The following SLC4A8 variants were observed in gnomAD, a reference collection of about 807,000 sequenced individuals.
SLC4A8 encodes the protein electroneutral sodium bicarbonate exchanger 1.
A neutral mutation model predicts 125.0 loss-of-function variants in SLC4A8; 40 were observed. The observed-to-expected ratio is 0.32, with a 90% CI of 0.25 to 0.42. The LOEUF is 0.42. Among genes scored for constraint, SLC4A8 ranks in the 10% least tolerant of loss-of-function variants. The pLI, the probability that SLC4A8 is intolerant of heterozygous loss-of-function variation, is 1.00. For synonymous variants in SLC4A8, 456 were observed against 476.0 expected (o/e 0.96, Z 0.55); for missense variants, 863 against 1,355.1 (o/e 0.64, Z 5.70).
chr12:51,490,016 G>A lies in SLC4A8; in HGVS notation c.2700+65G>A, dbSNP rs543472704. 2.6e-4 allele frequency: 388 copies of A among 1,518,134 alleles called. 2 individuals are homozygous for A. In the African/African-American group the frequency reaches 4.8e-3, roughly 19 times the overall value. The allele number at this position is 1,518,134 out of a possible 1,614,324, so 94.0% of individuals were successfully genotyped here. A position where few individuals can be genotyped will look rare whatever the true frequency, so the allele number is the denominator to read the frequency against. On this transcript the variant is annotated intron_variant, in intron 19 of 24. Transcript: ENST00000453097. ...TGATTTGTGCCAGGAATCCTGCCAG[G>A]TGCTGGAAATACAGTGGTGCCAAAT...
intron 2 of SLC4A8, among the ~76,000 whole-genome samples, chr12:51,442,787 T>A (rs537173084): frequency 1.3e-5 from 2 of 152,260 alleles, no homozygotes; most frequent in East Asian, 3.9e-4. Context: ...GAGTTGGGAT[T>A]TGCTATAGGG....
rs35992841 is a variant in SLC4A8 at position 51,392,571 on chromosome 12, C to CAAAA, written c.-112+1095_-112+1098dup. Among the ~76,000 whole-genome samples the CAAAA allele has an allele frequency of 2.5e-3, 301 of 119,206 alleles. 1 individual carries two copies. The highest frequency in any genetic ancestry group is 7.7e-3 in the African/African-American group (234 of 30,384). 78.2% of individuals were successfully genotyped at this position (119,206 alleles called of 152,430 possible). On this transcript the variant is annotated intron_variant, in intron 1 of 24. Coordinates refer to the SLC4A8 transcript ENST00000358657. ...CTGGCGACAGAGCGAGATTCCGTAT[C>CAAAA]AAAAAAAAAAAAAAAGAAAAAAAGA... is the stretch of plus-strand genomic sequence containing the variant.
rs1212370486 is a variant in SLC4A8 at position 51,471,275 on chromosome 12, G to A, written c.1659-12G>A. 1 of 1,606,278 alleles carries A rather than the reference G, an allele frequency of 6.2e-7. No homozygotes were observed. The highest frequency in any genetic ancestry group is 2.2e-5 in the East Asian group (1 of 44,850). On this transcript the variant is annotated splice_polypyrimidine_tract_variant and intron_variant, in intron 13 of 24. Transcript: ENST00000453097. ...CATCCATGCGTTCTGATGAACTTTG[G>A]TCTTGTTTCAGAGACTATGCTCTTT... is the stretch of plus-strand genomic sequence containing the variant.
intron 15 of SLC4A8, 130 bp downstream of exon 15, chr12:51,474,577 A>G (rs1950806705): frequency 1.4e-6 from 2 of 1,434,500 alleles, no homozygotes; most frequent in Non-Finnish European, 1.9e-6. Context: ...TTAAAAAACA[A>G]TTCTTACTCA....
chr12:51,468,436 C>T (rs1275762460), intron 11 of SLC4A8, among the ~76,000 whole-genome samples: 1 of 152,228 alleles, frequency 6.6e-6, no homozygotes, highest in East Asian at 1.9e-4. Flanking sequence ...AGTAACTTGA[C>T]ATGCTATTAG....
intron 9 of SLC4A8, 77 bp downstream of exon 9, chr12:51,461,368 A>C (rs1435974629): frequency 1.2e-6 from 1 of 855,464 alleles, no homozygotes; most frequent in East Asian, 2.5e-5. Context: ...GCAATATGCT[A>C]GTTATTGGGG....
Position 51,452,278 on chromosome 12 carries a change from C to G in SLC4A8, c.413+19C>G, listed in dbSNP as rs752109771. On this transcript the variant is annotated intron_variant, in intron 4 of 24. Coordinates refer to ENST00000453097, the MANE Select transcript of SLC4A8 (RefSeq NM_001039960.3). ...CAGCCAGGTGAGGCCCTAAAATGGCCTGCATCAAGATCTGCTTGGGTAGGC... is the reference window on the plus strand; with the variant it reads ...CAGCCAGGTGAGGCCCTAAAATGGCGTGCATCAAGATCTGCTTGGGTAGGC... 5 of 1,613,850 alleles carry G rather than the reference C, an allele frequency of 3.1e-6. No individual in the cohort carries two copies. Among genetic ancestry groups the G allele is most frequent in the Admixed American group, 1.7e-5 (1 of 60,006 alleles).
At chr12:51,492,884 T>C (rs1951354825) in intron 19 of SLC4A8, among the ~76,000 whole-genome samples, 1 of 150,134 alleles carries the variant, frequency 6.7e-6, no homozygotes. Flanking sequence ...TGTTCCCCTC[T>C]CTGTGTCCAT....
intron 6 of SLC4A8, 38 bp from the exon 7 acceptor site, chr12:51,458,521 G>T: frequency 6.9e-7 from 1 of 1,440,112 alleles, no homozygotes; most frequent in South Asian, 1.1e-5. Context: ...GGGGAAAAGG[G>T]CAGGGACTCA....
intron 12 of SLC4A8, among the ~76,000 whole-genome samples, chr12:51,470,103 G>A (rs1950647788): frequency 6.6e-6 from 1 of 152,150 alleles, no homozygotes; most frequent in East Asian, 1.9e-4. Flanking sequence ...AGCTTGTAGT[G>A]TGAATGGTAT....
At chr12:51,392,156 G>C (rs1948132845) in intron 1 of SLC4A8, 1 of 152,524 alleles carries the variant, frequency 6.6e-6, no homozygotes, top group Non-Finnish European at 1.5e-5. Context: ...CCCAGCCCCA[G>C]CAAACTTTAA....
chr12:51,459,260 C>T (rs77011020), intron 7 of SLC4A8, among the ~76,000 whole-genome samples: 8,432 of 152,202 alleles, frequency 0.055, 715 homozygotes, highest in African/African-American at 0.18. Context: ...CTGAAACCCC[C>T]GACAAAACAT....
chr12:51,459,089 C>T (rs1950240179), intron 7 of SLC4A8, among the ~76,000 whole-genome samples: 1 of 152,202 alleles, frequency 6.6e-6, no homozygotes, highest in Admixed American at 6.5e-5. Flanking sequence ...CTGAGGCCTT[C>T]TGTAGCAGCA....
At chr12:51,483,442 A>G (rs990952223) in intron 16 of SLC4A8, among the ~76,000 whole-genome samples, 2 of 149,900 alleles carry the variant, frequency 1.3e-5, no homozygotes, top group African/African-American at 4.9e-5. Context: ...TTTCAGCCAG[A>G]CACATTTTCT....
At chr12:51,400,535 A>C (rs1477102625) in intron 1 of SLC4A8, among the ~76,000 whole-genome samples, 2 of 151,018 alleles carry the variant, frequency 1.3e-5, no homozygotes, top group African/African-American at 4.9e-5. Flanking sequence ...GGAAAAAACA[A>C]AAAACACAAA....
At position 51,459,739 on chromosome 12, in the gene SLC4A8, G is replaced by A. The variant is rs542060108; in HGVS notation, c.856-212G>A. On this transcript the variant is annotated intron_variant, in intron 7 of 24. Transcript: ENST00000453097. ...ACAGAAAAATTAGCTGGACATGGTG[G>A]TGCATGCCTGTAATTCCAGCTACTA... Among the ~76,000 whole-genome samples, 175 of 152,220 alleles carry A rather than the reference G, an allele frequency of 1.1e-3. 4 individuals carry two copies. The South Asian group carries it at 0.035, about 31-fold the overall frequency.
At position 51,494,878 on chromosome 12, in the gene SLC4A8, A is replaced by G. The variant is rs1951421533; in HGVS notation, c.2770-67A>G. On this transcript the variant is annotated intron_variant, in intron 20 of 24. Coordinates refer to ENST00000453097, the MANE Select transcript of SLC4A8 (RefSeq NM_001039960.3). Reference sequence around the variant, plus strand: ...AGAGCAGGTAATGTAAGAGATATGAATTGGTCTAACAAAGCTTCTGACCCA... The same window carrying G: ...AGAGCAGGTAATGTAAGAGATATGAGTTGGTCTAACAAAGCTTCTGACCCA... The G allele has an allele frequency of 9.3e-6, 12 of 1,291,570 alleles. No individual in the cohort carries two copies. In the South Asian group the frequency reaches 1.6e-4, roughly 17 times the overall value. The allele number at this position is 1,291,570 out of a possible 1,614,324, so 80.0% of individuals were successfully genotyped here. A position where few individuals can be genotyped will look rare whatever the true frequency, so the allele number is the denominator to read the frequency against.
Position 51,485,812 on chromosome 12 carries a change from C to T in SLC4A8, c.2198C>T (p.Ala733Val). The T allele has an allele frequency of 6.2e-7, 1 of 1,612,366 alleles. No individual in the cohort carries two copies. Residue 733 changes from alanine to valine, a missense_variant, in exon 17 of 25, where the codon GCT becomes GTT. By Grantham distance (64) the Ala-to-Val change is moderately conservative. Around this residue, in one of 6 missense-constraint regions of SLC4A8, gnomAD observed 197 missense variants for 377.7 expected, o/e 0.52. Transcript: ENST00000453097. The part of the protein sequence containing the change: ...TRVRSMVSDF[A>V]VFLTIFTMVI... The stretch of plus-strand genomic sequence containing the variant: ...GTACGCTCCATGGTGAGTGACTTTG[C>T]TGTTTTCCTCACTATCTTCACAATG...
chr12:51,503,309 C>T (rs1348755732), intron 22 of SLC4A8, among the ~76,000 whole-genome samples: 3 of 151,544 alleles, frequency 2.0e-5, no homozygotes, highest in African/African-American at 7.3e-5. Context: ...ATTGCAACCT[C>T]CGACTCCCGG....
Sources: gnomAD v4.1 joint callset for allele counts (sites outside exome capture counted in the v4.1 genomes callset) on GRCh38, gnomAD v4.1.1 for gene constraint, gnomAD v4.1.1 regional missense constraint, MANE v1.5 for transcripts, NCBI Gene and HGNC (gene_info 2026-07-23, HGNC 2026-07-21) for gene names.